The following DAB1 variants were observed in gnomAD, a reference collection of about 807,000 sequenced individuals.
DAB1 encodes the protein DAB adaptor protein 1.
Under a neutral mutation model 64.6 loss-of-function variants are expected in DAB1, and 15 were observed. The ratio of observed to expected loss-of-function variants is 0.23; its 90% CI spans 0.16 to 0.36. DAB1 has a LOEUF of 0.36. Ranked by LOEUF, DAB1 falls within the 10% of genes least tolerant of loss-of-function variation. The pLI is 1.00. For missense variants in DAB1, 596 were observed against 706.7 expected, an observed-to-expected ratio of 0.84 and a Z score of 1.78; for synonymous variants, 235 against 251.9, an observed-to-expected ratio of 0.93 and a Z score of 0.64.
rs552322509 is a variant in DAB1 at position 57,285,579 on chromosome 1, C to T, written c.67+5385G>A. On this transcript the variant is annotated intron_variant, in intron 2 of 14. Coordinates refer to ENST00000371236, the MANE Select transcript of DAB1 (RefSeq NM_001365792.1). Reference sequence around the variant, plus strand: ...TGAGCACCACACCCAGCCCCCTCACCTTTCTAATGACAAGTGGAAATATTC... The same window carrying T: ...TGAGCACCACACCCAGCCCCCTCACTTTTCTAATGACAAGTGGAAATATTC... Among the ~76,000 whole-genome samples the T allele has an allele frequency of 6.6e-5, 10 of 152,214 alleles. No individual in the cohort carries two copies. The East Asian group carries it at 1.9e-3, about 29-fold the overall frequency.
At chr1:57,236,884 A>G (rs969655143) in intron 2 of DAB1, among the ~76,000 whole-genome samples, 13 of 152,222 alleles carry the variant, frequency 8.5e-5, no homozygotes, top group Admixed American at 2.6e-4. Context: ...ATAGGACTCC[A>G]TCGTGAGGGA....
chr1:57,823,159 A>G (rs926531465), downstream of DAB1, among the ~76,000 whole-genome samples: 1 of 151,696 alleles, frequency 6.6e-6, no homozygotes, highest in South Asian at 2.1e-4. Flanking sequence ...TAATTTTTGT[A>G]TTTTTAGTAG....
At chr1:57,535,206 C>T (rs959710150) in intron 7 of DAB1, among the ~76,000 whole-genome samples, 5 of 152,038 alleles carry the variant, frequency 3.3e-5, no homozygotes, top group African/African-American at 7.2e-5. Context: ...TAATTGTGGC[C>T]GCATTTATTG....
intron 4 of DAB1, among the ~76,000 whole-genome samples, chr1:58,326,805 C>G (rs759357775): frequency 1.3e-5 from 2 of 152,194 alleles, no homozygotes; most frequent in Non-Finnish European, 2.9e-5. Context: ...TCTGGGTCCG[C>G]ACTTCCCTGC....
At chr1:58,140,086 G>A (rs184604893) in intron 5 of DAB1, among the ~76,000 whole-genome samples, 186 of 152,126 alleles carry the variant, frequency 1.2e-3, no homozygotes, top group African/African-American at 4.1e-3. Context: ...ACCCTTTATC[G>A]CAAATCCACA....
intron 6 of DAB1, among the ~76,000 whole-genome samples, chr1:57,806,978 AGT>A (rs1651392040): frequency 1.3e-5 from 2 of 152,310 alleles, no homozygotes; most frequent in South Asian, 4.1e-4. Context: ...TGCATGTAGT[AGT>A]CACTCAGCAA....
chr1:57,199,076 C>T (rs1664881461), intron 2 of DAB1, among the ~76,000 whole-genome samples: 1 of 152,116 alleles, frequency 6.6e-6, no homozygotes. Flanking sequence ...ATTTTTCCAA[C>T]AGGAACCTGA....
chr1:58,161,228 C>G (rs1214039531), intron 4 of DAB1, among the ~76,000 whole-genome samples: 1 of 152,202 alleles, frequency 6.6e-6, no homozygotes. Flanking sequence ...ATAAACAAGT[C>G]AAGATCCTTG....
chr1:58,238,931 G>T (rs922758595), intron 4 of DAB1, among the ~76,000 whole-genome samples: 1 of 152,142 alleles, frequency 6.6e-6, no homozygotes, highest in Non-Finnish European at 1.5e-5. Flanking sequence ...TTAAAAGAAG[G>T]TATATACCAT....
At chr1:57,571,548 G>C (rs1645194233) in intron 7 of DAB1, among the ~76,000 whole-genome samples, 1 of 152,160 alleles carries the variant, frequency 6.6e-6, no homozygotes, top group South Asian at 2.1e-4. Context: ...AGTAATTTGA[G>C]AGAGGTACAT....
intron 7 of DAB1, among the ~76,000 whole-genome samples, chr1:57,542,034 T>C (rs1644808414): frequency 6.6e-6 from 1 of 152,160 alleles, no homozygotes; most frequent in African/African-American, 2.4e-5. Flanking sequence ...CAGAGCATAT[T>C]TGGGAAATAT....
chr1:57,133,028 T>C (rs1657769785), intron 4 of DAB1, among the ~76,000 whole-genome samples: 1 of 152,198 alleles, frequency 6.6e-6, no homozygotes, highest in African/African-American at 2.4e-5. Flanking sequence ...TTAAATTATA[T>C]GGACCCTGGC....
chr1:57,382,460 G>C (rs1681460918), intron 1 of DAB1, among the ~76,000 whole-genome samples: 1 of 152,092 alleles, frequency 6.6e-6, no homozygotes, highest in African/African-American at 2.4e-5. Context: ...CATGAACTTA[G>C]TGGTTCAAAA....
intron 1 of DAB1, among the ~76,000 whole-genome samples, chr1:57,358,077 G>C (rs1210898618): frequency 1.3e-5 from 2 of 151,922 alleles, no homozygotes; most frequent in African/African-American, 4.8e-5. Context: ...CTATATATAA[G>C]ATCATGTCAT....
At chr1:58,274,641 T>G (rs922714910) in intron 4 of DAB1, among the ~76,000 whole-genome samples, 1 of 151,916 alleles carries the variant, frequency 6.6e-6, no homozygotes, top group Non-Finnish European at 1.5e-5. Flanking sequence ...CAGACTTCTG[T>G]GCTAGCAGTC....
At chr1:57,617,412 G>C (rs1303630270) in intron 7 of DAB1, among the ~76,000 whole-genome samples, 2 of 151,984 alleles carry the variant, frequency 1.3e-5, no homozygotes, top group Non-Finnish European at 2.9e-5. Flanking sequence ...CCTTCTGAGA[G>C]GCTCCTTACT....
chr1:57,553,505 G>GGAAGGAAGGAAGA (rs1644951166), intron 7 of DAB1, among the ~76,000 whole-genome samples: 1 of 120,394 alleles, frequency 8.3e-6, no homozygotes, highest in Non-Finnish European at 1.7e-5. Context: ...AGGAAGGAAG[G>GGAAGGAAGGAAGA]AAGAGAGAGA....
intron 7 of DAB1, among the ~76,000 whole-genome samples, chr1:57,609,499 C>T (rs1256577876): frequency 1.3e-5 from 2 of 152,154 alleles, no homozygotes; most frequent in East Asian, 1.9e-4. Context: ...GACGAATTCC[C>T]CCACGAATAC....
At chr1:57,643,976 C>T (rs1047336659) in intron 7 of DAB1, among the ~76,000 whole-genome samples, 7 of 152,192 alleles carry the variant, frequency 4.6e-5, no homozygotes, top group African/African-American at 1.7e-4. Context: ...ATGCAGTCAG[C>T]ACTCTGTGGT....
Sources: allele counts gnomAD v4.1 joint callset (sites outside exome capture counted in the v4.1 genomes callset), GRCh38; gene constraint gnomAD v4.1.1; transcripts MANE v1.5; gene names NCBI Gene and HGNC (gene_info 2026-07-23, HGNC 2026-07-21).